Variants in OSBPL1A observed in about 807,000 individuals in gnomAD.
OSBPL1A encodes the protein oxysterol binding protein like 1A, also known as oxysterol-binding protein-related protein 1.
Under a neutral mutation model 137.1 loss-of-function variants are expected in OSBPL1A, and 80 were observed. The ratio of observed to expected loss-of-function variants is 0.58; its 90% confidence interval spans 0.49 to 0.70. OSBPL1A has a LOEUF of 0.70. Among genes scored for constraint, OSBPL1A ranks in the 30% least tolerant of loss-of-function variants. The probability of loss-of-function intolerance (pLI) is 0.00; values close to 1 mark genes in which losing one functional copy is unlikely to be tolerated. For missense variants in OSBPL1A, 970 were observed against 1,129.4 expected, an observed-to-expected ratio of 0.86 and a Z score of 2.02; for synonymous variants, 365 against 389.7, an observed-to-expected ratio of 0.94 and a Z score of 0.75.
In OSBPL1A at chr18:24,201,433, C is replaced by A. The variant is rs557867942; in HGVS notation, c.1602-5233G>T. 9.8e-5 allele frequency among the ~76,000 whole-genome samples: 15 copies of A among 152,306 alleles called. 1 individual carries two copies. In the South Asian group the frequency reaches 3.1e-3, roughly 32 times the overall value. ...TGTGAAGGTCAAGAGATCACGATCTCCAAAATCTTTAAACGTTATTTGGAT... is the reference window on the plus strand; with the variant it reads ...TGTGAAGGTCAAGAGATCACGATCTACAAAATCTTTAAACGTTATTTGGAT... On this transcript the variant is annotated intron_variant, in intron 17 of 27. Transcript: ENST00000319481.
intron 4 of OSBPL1A, among the ~76,000 whole-genome samples, chr18:24,346,744 T>G (rs1288523825): frequency 1.3e-5 from 2 of 152,134 alleles, no homozygotes; most frequent in Non-Finnish European, 2.9e-5. Context: ...CTTTTTATTT[T>G]TATTTATTTT....
chr18:24,243,142 G>A (rs1008513607), intron 15 of OSBPL1A, among the ~76,000 whole-genome samples: 4 of 152,046 alleles, frequency 2.6e-5, no homozygotes, highest in Non-Finnish European at 5.9e-5. Flanking sequence ...CAGAAGAATC[G>A]CTTGAACCCT....
At chr18:24,315,637 T>A (rs111504730) in intron 11 of OSBPL1A, among the ~76,000 whole-genome samples, 4 of 38,678 alleles carry the variant, frequency 1.0e-4, no homozygotes, top group Admixed American at 4.3e-4. Context: ...TTATATATAT[T>A]ATATAGTAAA....
chr18:24,349,714 T>C (rs965663789), intron 4 of OSBPL1A, among the ~76,000 whole-genome samples: 2 of 136,414 alleles, frequency 1.5e-5, no homozygotes, highest in African/African-American at 2.8e-5. Context: ...GAGTGATCCC[T>C]TGCAAAAGAA....
chr18:24,381,526 C>G (rs1906587078), intron 1 of OSBPL1A, among the ~76,000 whole-genome samples: 1 of 152,222 alleles, frequency 6.6e-6, no homozygotes. Flanking sequence ...CTTCATCTAA[C>G]AGTGATTGTA....
intron 14 of OSBPL1A, among the ~76,000 whole-genome samples, chr18:24,294,476 C>T (rs970048175): frequency 2.0e-5 from 3 of 152,146 alleles, no homozygotes; most frequent in East Asian, 1.9e-4. Flanking sequence ...TCAGGTGATC[C>T]GCCCGACTCA....
chr18:24,378,106 C>T (rs1053389902), intron 1 of OSBPL1A, among the ~76,000 whole-genome samples: 3 of 152,028 alleles, frequency 2.0e-5, no homozygotes, highest in Non-Finnish European at 2.9e-5. Context: ...TCTTATCAAG[C>T]CCCAAACCAA....
chr18:24,245,080 G>A (rs1220584100), intron 15 of OSBPL1A, among the ~76,000 whole-genome samples: 1 of 152,072 alleles, frequency 6.6e-6, no homozygotes, highest in Non-Finnish European at 1.5e-5. Flanking sequence ...AAATGTATTA[G>A]AGACTGAAAT....
chr18:24,192,666 A>C (rs2086918912), intron 18 of OSBPL1A, among the ~76,000 whole-genome samples: 2 of 152,192 alleles, frequency 1.3e-5, no homozygotes, highest in Non-Finnish European at 1.5e-5. Flanking sequence ...GATGGGGCAG[A>C]GTGAGCCCGG....
intron 2 of OSBPL1A, among the ~76,000 whole-genome samples, chr18:24,371,956 G>A (rs990687226): frequency 1.3e-5 from 2 of 151,990 alleles, no homozygotes; most frequent in Admixed American, 1.3e-4. Flanking sequence ...TATTTTCCCC[G>A]ACTATTCCAT....
At chr18:24,335,566 A>G (rs1208467540) in intron 5 of OSBPL1A, among the ~76,000 whole-genome samples, 1 of 152,214 alleles carries the variant, frequency 6.6e-6, no homozygotes, top group Non-Finnish European at 1.5e-5. Flanking sequence ...ATAGAAAGGA[A>G]GCAATTTCAG....
At chr18:24,270,322 C>T (rs166708) in intron 15 of OSBPL1A, among the ~76,000 whole-genome samples, 75,564 of 151,980 alleles carry the variant, frequency 0.5, 20,375 homozygotes, top group African/African-American at 0.69. Flanking sequence ...ATTTATAAAC[C>T]ACCCTGAGTA....
At chr18:24,295,301 G>T (rs1166388763) in intron 14 of OSBPL1A, among the ~76,000 whole-genome samples, 2 of 152,186 alleles carry the variant, frequency 1.3e-5, no homozygotes, top group African/African-American at 4.8e-5. Context: ...GTGCCTTGCA[G>T]ATTTCAGATA....
intron 4 of OSBPL1A, among the ~76,000 whole-genome samples, chr18:24,365,025 CAAAAAAAA>C (rs56400717): frequency 1.9e-4 from 17 of 89,698 alleles, no homozygotes; most frequent in South Asian, 4.0e-4. Flanking sequence ...AAAACAACAA[CAAAAAAAA>C]AAAAAAAAAA....
At position 24,313,173 on chromosome 18, in the gene OSBPL1A, T is replaced by TGGCTCA. The variant is rs2090655814; in HGVS notation, c.969+1070_970-1068dup. On this transcript the variant is annotated intron_variant, in intron 12 of 27. Transcript: ENST00000319481. ...AGAAAAAGAAAAGGGCCGGGCGCGG[T>TGGCTCA]GGCTCATGCCTGTAATCCCAACACT... Among the ~76,000 whole-genome samples, 6 of 151,866 alleles carry TGGCTCA rather than the reference T, an allele frequency of 4.0e-5. No individual in the cohort carries two copies. The South Asian group carries it at 1.3e-3, about 32-fold the overall frequency.
intron 23 of OSBPL1A, 66 bp downstream of exon 23, chr18:24,171,343 T>G: frequency 7.7e-7 from 1 of 1,293,936 alleles, no homozygotes; most frequent in Non-Finnish European, 1.1e-6. Flanking sequence ...ACAATGTATT[T>G]TAATACCGAC....
At chr18:24,276,540 A>G (rs1359440497) in intron 15 of OSBPL1A, among the ~76,000 whole-genome samples, 1 of 152,068 alleles carries the variant, frequency 6.6e-6, no homozygotes, top group African/African-American at 2.4e-5. Context: ...CCTGGGTTCA[A>G]TGGATTATCC....
At position 24,197,481 on chromosome 18, in the gene OSBPL1A, T is replaced by C. The variant is rs17259681; in HGVS notation, c.1602-1281A>G. The stretch of plus-strand genomic sequence containing the variant: ...AAATTAAACTAATTAATTTGGATTA[T>C]AGAAGTTAATACAATTTACATTTTT... On this transcript the variant is annotated intron_variant, in intron 17 of 27. Coordinates refer to ENST00000319481, the MANE Select transcript of OSBPL1A (RefSeq NM_080597.4). Among the ~76,000 whole-genome samples the C allele has an allele frequency of 9.7e-3, 1,476 of 152,370 alleles. 94 individuals carry two copies. In the East Asian group the frequency reaches 0.19, roughly 19 times the overall value.
intron 24 of OSBPL1A, among the ~76,000 whole-genome samples, chr18:24,169,262 C>A (rs2086214769): frequency 6.6e-6 from 1 of 152,230 alleles, no homozygotes; most frequent in South Asian, 2.1e-4. Flanking sequence ...ACTCCGTCTA[C>A]AAAGAAAGTC....
Sources: gnomAD v4.1 joint callset for allele counts (sites outside exome capture counted in the v4.1 genomes callset) on GRCh38, gnomAD v4.1.1 for gene constraint, MANE v1.5 for transcripts, NCBI Gene and HGNC (gene_info 2026-07-23, HGNC 2026-07-21) for gene names.